Variants in IQCH observed in about 807,000 individuals in gnomAD.
The protein encoded by IQCH is IQ domain-containing protein H.
A neutral mutation model predicts 117.0 loss-of-function variants in IQCH; 98 were observed. The observed-to-expected ratio is 0.84, with a 90% CI of 0.71 to 0.99. The LOEUF (loss-of-function observed/expected upper bound fraction) is 0.99. Among genes scored for constraint, IQCH ranks in the 50% least tolerant of loss-of-function variants. The pLI, the probability that IQCH is intolerant of heterozygous loss-of-function variation, is 0.00. For synonymous variants in IQCH, 412 were observed against 448.2 expected, an observed-to-expected ratio of 0.92 and a Z score of 1.02; for missense variants, 1,102 against 1,243.8, an observed-to-expected ratio of 0.89 and a Z score of 1.72.
chr15:67,400,942 C>CAGAA (rs1224394980), intron 14 of IQCH, among the ~76,000 whole-genome samples: 2 of 152,128 alleles, frequency 1.3e-5, no homozygotes, highest in East Asian at 3.9e-4. Flanking sequence ...TGATCATGTG[C>CAGAA]TTCTAACAAC....
chr15:67,340,451 A>AAAAC (rs1969113594), intron 5 of IQCH, among the ~76,000 whole-genome samples: 1 of 142,418 alleles, frequency 7.0e-6, no homozygotes, highest in Non-Finnish European at 1.5e-5. Context: ...AAAAAAAAAA[A>AAAAC]AAAAAAAAAA....
At chr15:67,352,584 A>G (rs1039324576) in intron 6 of IQCH, among the ~76,000 whole-genome samples, 1 of 111,706 alleles carries the variant, frequency 9.0e-6, no homozygotes, top group Admixed American at 1.1e-4. Context: ...CACATTCAAT[A>G]TATTATTTCA....
At position 67,372,202 on chromosome 15, in the gene IQCH, C is replaced by CA; in HGVS notation, c.846dup (p.Asp283ArgfsTer10). 6.2e-7 allele frequency: 1 copy of CA among 1,614,076 alleles called. No individual in the cohort carries two copies. Among genetic ancestry groups the CA allele is most frequent in the Non-Finnish European group, 8.5e-7 (1 of 1,179,970 alleles). On this transcript the variant is annotated frameshift_variant, in exon 9 of 21. Transcript: ENST00000335894. LOFTEE classifies it high-confidence loss of function. ...GATGGTGTCATAGACAATACAGCCC[C>CA]AGACTTCTTAGCATTCAAGGAACAT...
chr15:67,371,614 T>TA, intron 8 of IQCH: 1 of 818,278 alleles, frequency 1.2e-6, no homozygotes, highest in South Asian at 1.8e-5. Context: ...TATAAAATGC[T>TA]AAAAAGTGAT....
intron 19 of IQCH, among the ~76,000 whole-genome samples, chr15:67,492,643 A>T (rs1275027488): frequency 6.6e-6 from 1 of 152,156 alleles, no homozygotes; most frequent in Non-Finnish European, 1.5e-5. Flanking sequence ...GCATGAGGAA[A>T]GCCTTTCAGC....
chr15:67,255,112 G>T (rs1271450616), intron 1 of IQCH, 165 bp downstream of exon 1: 6 of 678,468 alleles, frequency 8.8e-6, no homozygotes, highest in Non-Finnish European at 1.3e-5. Context: ...TTCCCCCACG[G>T]CCCAGCACAC....
intron 6 of IQCH, among the ~76,000 whole-genome samples, chr15:67,349,640 A>G (rs1969566385): frequency 6.6e-6 from 1 of 151,486 alleles, no homozygotes. Context: ...AAGAAAAGCT[A>G]TAGATTGAGA....
chr15:67,323,965 A>C (rs1431900306), intron 4 of IQCH, among the ~76,000 whole-genome samples: 1 of 93,144 alleles, frequency 1.1e-5, no homozygotes, highest in South Asian at 3.4e-4. Context: ...TTTTTTTGAG[A>C]TGGAGTCTTG....
In IQCH at chr15:67,421,276, T is replaced by C; in HGVS notation, c.2219-15T>C. ...TGCATGTGTCCTTTCACCTACTCCA[T>C]GTTTTTCCCACCAGGGGGTGTGATC... On this transcript the variant is annotated splice_polypyrimidine_tract_variant and intron_variant, in intron 15 of 20. Coordinates refer to ENST00000335894, the MANE Select transcript of IQCH (RefSeq NM_001031715.3). The C allele has an allele frequency of 6.2e-7, 1 of 1,609,292 alleles. No individual in the cohort carries two copies. The highest frequency in any genetic ancestry group is 8.5e-7 in the Non-Finnish European group (1 of 1,176,672).
chr15:67,477,192 G>A (rs1029180044), intron 18 of IQCH, among the ~76,000 whole-genome samples: 2 of 151,126 alleles, frequency 1.3e-5, no homozygotes, highest in Admixed American at 6.6e-5. Flanking sequence ...CTGCGATTAC[G>A]GGCACGTGCA....
At chr15:67,293,165 G>A (rs1389786005) in intron 4 of IQCH, among the ~76,000 whole-genome samples, 1 of 152,122 alleles carries the variant, frequency 6.6e-6, no homozygotes, top group Non-Finnish European at 1.5e-5. Flanking sequence ...AAGTATTATT[G>A]TTCTTATTTG....
intron 1 of IQCH, 59 bp from the exon 2 acceptor site, chr15:67,261,213 C>A: frequency 1.7e-6 from 2 of 1,169,002 alleles, no homozygotes; most frequent in Non-Finnish European, 2.3e-6. Flanking sequence ...AGATAAATAA[C>A]TGCTATAGGT....
chr15:67,423,339 G>T (rs553009213), intron 16 of IQCH, among the ~76,000 whole-genome samples: 1 of 152,272 alleles, frequency 6.6e-6, no homozygotes, highest in East Asian at 1.9e-4. Flanking sequence ...GCCGAAGCAG[G>T]CAGATCACTT....
chr15:67,469,416 C>G (rs2083015482), intron 17 of IQCH, among the ~76,000 whole-genome samples: 1 of 152,214 alleles, frequency 6.6e-6, no homozygotes, highest in African/African-American at 2.4e-5. Flanking sequence ...GAAGGGACAT[C>G]TCCTGTACGG....
At position 67,372,565 on chromosome 15, in the gene IQCH, C is replaced by T. The variant is rs1429273684; in HGVS notation, c.1208C>T (p.Ala403Val). Reference sequence around the variant, plus strand: ...CAGAAGTGGGCATCAGGTGTGATTGCCATTGCTTGGCTGTTATATTGCCAT... The same window carrying T: ...CAGAAGTGGGCATCAGGTGTGATTGTCATTGCTTGGCTGTTATATTGCCAT... ...RQQKWASGVI[A>V]IAWLLYCHKT... is the part of the protein sequence containing the mutation. The change falls in exon 9 of 21, where the codon GCC (alanine) becomes GTC (valine). Residue 403 changes from alanine to valine, a missense_variant. Ala to Val is a moderately conservative substitution (Grantham distance 64). Transcript: ENST00000335894. 5.6e-6 allele frequency: 9 copies of T among 1,613,804 alleles called. No homozygotes were observed. The highest frequency in any genetic ancestry group is 7.6e-6 in the Non-Finnish European group (9 of 1,179,948).
rs8026169 is a variant in IQCH, at chr15:67,264,402, G to T, written c.269+1186G>T. ...GCATCTGCCTCAGGGTCTCTCACAG[G>T]CTGCAATATAAGTATTGACTGGGGC... is the stretch of plus-strand genomic sequence containing the variant. On this transcript the variant is annotated intron_variant, in intron 3 of 20. Coordinates refer to ENST00000335894, the MANE Select transcript of IQCH (RefSeq NM_001031715.3). Among the ~76,000 whole-genome samples the T allele has an allele frequency of 4.4e-3, 663 of 152,326 alleles. 2 individuals are homozygous for T. Among genetic ancestry groups the T allele is most frequent in the African/African-American group, 0.015 (631 of 41,562 alleles).
rs373039154 is a variant in IQCH at position 67,467,248 on chromosome 15, G to A, written c.2676+1951G>A. 1.7e-4 allele frequency among the ~76,000 whole-genome samples: 26 copies of A among 151,994 alleles called. No homozygotes were observed. The highest frequency in any genetic ancestry group is 5.8e-4 in the African/African-American group (24 of 41,374). ...AAAAAATAAAAATAAAAATAAAGCT[G>A]GAAGCAGAGTGGTATTCAGCACAAG... On this transcript the variant is annotated intron_variant, in intron 17 of 20. Transcript: ENST00000335894. The surrounding 1 kb of genome is among the most constrained non-coding windows in gnomAD (Gnocchi z 5.7).
chr15:67,488,531 T>C (rs1241362916), intron 18 of IQCH, among the ~76,000 whole-genome samples: 2 of 152,356 alleles, frequency 1.3e-5, no homozygotes, highest in East Asian at 3.9e-4. Context: ...ACCTATACTT[T>C]ACAAAATTGT....
At chr15:67,274,362 T>C (rs1033519350) in intron 3 of IQCH, among the ~76,000 whole-genome samples, 3 of 152,190 alleles carry the variant, frequency 2.0e-5, no homozygotes, top group African/African-American at 7.2e-5. Context: ...CCTTTTTATA[T>C]TTTTCTTCTC....
Sources: gnomAD v4.1 joint callset for allele counts (sites outside exome capture counted in the v4.1 genomes callset) on GRCh38, gnomAD v4.1.1 for gene constraint, Gnocchi (gnomAD v3.1) non-coding constraint, MANE v1.5 for transcripts, NCBI Gene and HGNC (gene_info 2026-07-23, HGNC 2026-07-21) for gene names.